Variants in MAP3K7 observed in about 807,000 individuals in gnomAD.
The protein encoded by MAP3K7 is TGF-beta activated kinase 1.
MAP3K7 carries 21 observed loss-of-function variants against 84.8 expected under a neutral mutation model. The observed-to-expected ratio is 0.25, with a 90% confidence interval of 0.18 to 0.36. MAP3K7 has a LOEUF of 0.36. MAP3K7 is among the 10% of genes least tolerant of loss of function. The probability of loss-of-function intolerance (pLI) is 1.00; values close to 1 mark genes in which losing one functional copy is unlikely to be tolerated. For synonymous variants in MAP3K7, 241 were observed against 247.7 expected, an observed-to-expected ratio of 0.97 and a Z score of 0.25; for missense variants, 503 against 747.7, an observed-to-expected ratio of 0.67 and a Z score of 3.82.
intron 2 of MAP3K7, 125 bp from the exon 3 acceptor site, chr6:90,568,748 A>G (rs1216816513): frequency 3.0e-6 from 2 of 677,246 alleles, no homozygotes; most frequent in East Asian, 2.8e-5. Flanking sequence ...ACTATTTACT[A>G]TGTAACAGGC....
At chr6:90,535,376 G>A (rs914744131) in intron 13 of MAP3K7, among the ~76,000 whole-genome samples, 3 of 151,438 alleles carry the variant, frequency 2.0e-5, no homozygotes, top group African/African-American at 7.3e-5. Context: ...ATATATAAAC[G>A]CTAAAATTTT....
chr6:90,531,195 A>G (rs1240751971), intron 13 of MAP3K7, among the ~76,000 whole-genome samples: 5 of 152,180 alleles, frequency 3.3e-5, no homozygotes, highest in Non-Finnish European at 1.5e-5. Context: ...TATTTATAAA[A>G]AGGAATTGGA....
intron 2 of MAP3K7, among the ~76,000 whole-genome samples, chr6:90,570,404 A>C (rs575459173): frequency 3.3e-5 from 5 of 152,174 alleles, no homozygotes; most frequent in African/African-American, 1.2e-4. Context: ...TAATCAAAGG[A>C]TAGGGCAGGG....
chr6:90,569,661 T>C (rs1052259342), intron 2 of MAP3K7, among the ~76,000 whole-genome samples: 1 of 152,098 alleles, frequency 6.6e-6, no homozygotes, highest in African/African-American at 2.4e-5. Context: ...GTATTTTTTG[T>C]AGAGATGGGG....
chr6:90,553,450 T>C lies in MAP3K7; in HGVS notation c.736+8A>G, dbSNP rs1282236369. ...AAGTACTTTTAAGAAAAATTTCTTTTTACGAACCATTATGAACAGCCCACA... is the reference window on the plus strand; with the variant it reads ...AAGTACTTTTAAGAAAAATTTCTTTCTACGAACCATTATGAACAGCCCACA... On this transcript the variant is annotated splice_region_variant and intron_variant, in intron 7 of 16. Coordinates refer to ENST00000369329, the MANE Select transcript of MAP3K7 (RefSeq NM_145331.3). The C allele has an allele frequency of 1.2e-6, 2 of 1,604,144 alleles. No homozygotes were observed. Among genetic ancestry groups the C allele is most frequent in the Non-Finnish European group, 1.7e-6 (2 of 1,177,108 alleles).
In MAP3K7 at chr6:90,587,058, G is replaced by T; in HGVS notation, c.-175C>A. On this transcript the variant is annotated 5_prime_UTR_variant, in exon 1 of 17. Transcript: ENST00000369329. ...CACAGCCGTGTCCGGCTCTGGCTCC[G>T]CTGCGTTTTCCGCCGACGGGCCCCG... 4.1e-6 allele frequency: 3 copies of T among 727,118 alleles called. No homozygotes were observed. Among genetic ancestry groups the T allele is most frequent in the Non-Finnish European group, 4.0e-6 (2 of 497,890 alleles). 45.0% of individuals were successfully genotyped at this position (727,118 alleles called of 1,614,324 possible).
chr6:90,544,584 T>C lies in MAP3K7; in HGVS notation c.1259A>G (p.Asn420Ser), dbSNP rs1467091855. The change falls in exon 12 of 17, where the codon AAC becomes AGC. Residue 420 changes from asparagine to serine, a missense_variant. Coordinates refer to ENST00000369329, the MANE Select transcript of MAP3K7 (RefSeq NM_145331.3). ...GACGATCTCAGGGACATCCAGAATG[T>C]TGCCAAATGAAGCAGTTTTACGGTG... ...RGHRKTASFG[N>S]ILDVPEIVIS... The C allele has an allele frequency of 6.8e-6, 11 of 1,612,550 alleles. No homozygotes were observed. Among genetic ancestry groups the C allele is most frequent in the Non-Finnish European group, 9.3e-6 (11 of 1,178,920 alleles).
chr6:90,566,793 C>T (rs1344677627), intron 3 of MAP3K7, among the ~76,000 whole-genome samples: 20 of 152,112 alleles, frequency 1.3e-4, no homozygotes, highest in Non-Finnish European at 2.5e-4. Context: ...GGAGGCATCA[C>T]GCTACCTGAC....
chr6:90,552,424 G>C (rs1018394053), intron 7 of MAP3K7, among the ~76,000 whole-genome samples: 1 of 152,088 alleles, frequency 6.6e-6, no homozygotes, highest in Non-Finnish European at 1.5e-5. Flanking sequence ...AGCTGTCCTG[G>C]TCAATGCTGA....
chr6:90,530,596 GCA>G (rs1480958760), intron 13 of MAP3K7, among the ~76,000 whole-genome samples: 5 of 151,992 alleles, frequency 3.3e-5, no homozygotes, highest in Admixed American at 2.0e-4. Context: ...TTTTAGACCA[GCA>G]CAGTTAGATT....
chr6:90,561,920 G>C (rs1365799182), intron 3 of MAP3K7, among the ~76,000 whole-genome samples: 1 of 152,208 alleles, frequency 6.6e-6, no homozygotes, highest in South Asian at 2.1e-4. Flanking sequence ...TTTCTCCAGT[G>C]CCAGTAAGTA....
intron 13 of MAP3K7, among the ~76,000 whole-genome samples, chr6:90,525,773 C>A (rs534116164): frequency 1.1e-3 from 173 of 151,902 alleles, no homozygotes; most frequent in African/African-American, 4.1e-3. Flanking sequence ...TTGCTACGTT[C>A]CCAGGCTGGT....
At chr6:90,577,836 G>C (rs1433991029) in intron 1 of MAP3K7, among the ~76,000 whole-genome samples, 2 of 152,212 alleles carry the variant, frequency 1.3e-5, no homozygotes, top group Non-Finnish European at 2.9e-5. Context: ...AGCCCTCCAG[G>C]TAGTTTCAAT....
chr6:90,572,975 T>C (rs1398195403), intron 1 of MAP3K7, among the ~76,000 whole-genome samples: 1 of 152,180 alleles, frequency 6.6e-6, no homozygotes, highest in Non-Finnish European at 1.5e-5. Flanking sequence ...CAAGGCCTTT[T>C]TCTTTAGCAA....
intron 3 of MAP3K7, among the ~76,000 whole-genome samples, chr6:90,565,902 G>A (rs1776687158): frequency 6.6e-6 from 1 of 152,116 alleles, no homozygotes; most frequent in Non-Finnish European, 1.5e-5. Flanking sequence ...TGCAAGGCTG[G>A]TTCAACATAC....
intron 2 of MAP3K7, among the ~76,000 whole-genome samples, chr6:90,571,136 A>C (rs534908067): frequency 6.6e-6 from 1 of 152,300 alleles, no homozygotes; most frequent in Middle Eastern, 3.4e-3. Context: ...GATTTAACTA[A>C]ATAATGTGAT....
At position 90,560,142 on chromosome 6, in the gene MAP3K7, T is replaced by A; in HGVS notation, c.416A>T (p.Gln139Leu). Residue 139 changes from glutamine to leucine, a missense_variant, in exon 5 of 17, where the codon CAA (glutamine) becomes CTA (leucine). By Grantham distance (113) the Gln-to-Leu change is moderately radical. Transcript: ENST00000369329. ...CATGCTGTGAAGATAAGCCACTCCT[T>A]GGGAACACTGTAAACACCAACTCAT... ...HAMSWCLQCS[Q>L]GVAYLHSMQP... 1 of 1,614,182 alleles carries A rather than the reference T, an allele frequency of 6.2e-7. No individual in the cohort carries two copies. The highest frequency in any genetic ancestry group is 8.5e-7 in the Non-Finnish European group (1 of 1,180,014).
At chr6:90,543,586 G>C (rs1305773842) in intron 12 of MAP3K7, among the ~76,000 whole-genome samples, 1 of 151,988 alleles carries the variant, frequency 6.6e-6, no homozygotes, top group African/African-American at 2.4e-5. Context: ...GTTTAGTAGA[G>C]GAGAAAATAA....
intron 12 of MAP3K7, among the ~76,000 whole-genome samples, chr6:90,539,836 T>C (rs1775799860): frequency 2.0e-5 from 3 of 151,858 alleles, no homozygotes; most frequent in South Asian, 4.1e-4. Context: ...GATACAAGTA[T>C]TAGAAGCCTA....
Sources: gnomAD v4.1 joint callset for allele counts (sites outside exome capture counted in the v4.1 genomes callset) on GRCh38, gnomAD v4.1.1 for gene constraint, MANE v1.5 for transcripts, NCBI Gene and HGNC (gene_info 2026-07-23, HGNC 2026-07-21) for gene names.